IP6K1: variants seen among roughly 807,000 people sequenced by gnomAD.
IP6K1 encodes the protein inositol hexakisphosphate kinase 1.
In IP6K1, 13 loss-of-function variants were observed where a neutral mutation model predicts 38.3. The ratio of observed to expected loss-of-function variants is 0.34; its 90% CI spans 0.22 to 0.54. The LOEUF (loss-of-function observed/expected upper bound fraction) is 0.54, where lower values mean the gene tolerates loss of function less well. IP6K1 is among the 20% of genes least tolerant of loss of function. The probability of loss-of-function intolerance (pLI) is 0.92; values close to 1 mark genes in which losing one functional copy is unlikely to be tolerated. For synonymous variants in IP6K1, 212 were observed against 229.9 expected (o/e 0.92, Z 0.70); for missense variants, 397 against 599.8 (o/e 0.66, Z 3.53).
At chr3:49,728,331 G>A in intron 4 of IP6K1, 53 bp from the exon 5 acceptor site, 1 of 1,577,960 alleles carries the variant, frequency 6.3e-7, no homozygotes, top group Non-Finnish European at 8.7e-7. Context: ...GCCCCAGCCA[G>A]GAAAGCACAA....
chr3:49,727,635 C>T lies in IP6K1; in HGVS notation c.813G>A (p.Gly271=), dbSNP rs370210802. The T allele has an allele frequency of 3.0e-5, 48 of 1,613,772 alleles. No individual in the cohort carries two copies. The African/African-American group carries it at 6.1e-4, about 21-fold the overall frequency. The change falls in exon 6 of 6, where the codon GGG becomes GGA. Residue 271 remains glycine, a synonymous_variant. Coordinates refer to ENST00000321599, the MANE Select transcript of IP6K1 (RefSeq NM_153273.4). The surrounding 1 kb of genome is among the most constrained non-coding windows in gnomAD (Gnocchi z 5.9). ...CGMQVYQLDT[G]HYLCRNKYYG... ...AGTACTTGTTCCTGCAGAGGTAATG[C>T]CCTGTGTCCAGCTGGTACACCTGAA...
At chr3:49,786,049 C>G (rs1026062347) in intron 1 of IP6K1, 1 of 152,292 alleles carries the variant, frequency 6.6e-6, no homozygotes, top group Non-Finnish European at 1.5e-5. Flanking sequence ...CAGGGTGGCA[C>G]CGGACACACT....
At chr3:49,764,993 A>T (rs1362602369) in intron 1 of IP6K1, among the ~76,000 whole-genome samples, 1 of 152,182 alleles carries the variant, frequency 6.6e-6, no homozygotes, top group South Asian at 2.1e-4. Flanking sequence ...AAAGACAAGA[A>T]TGAATATTTA....
intron 1 of IP6K1, among the ~76,000 whole-genome samples, chr3:49,753,249 C>G (rs7372730): frequency 0.53 from 80,982 of 151,890 alleles, 22,435 homozygotes; most frequent in East Asian, 0.84. Flanking sequence ...TATTCCCTAG[C>G]TTCTTTGCAC....
rs1339097613 is a variant in IP6K1, at chr3:49,728,139, T to C, written c.756A>G (p.Thr252=). ...AGACCCTGACGCCCAGCGTGGCTGA[T>C]GTGCTCTGCTCGCATTTCCGCATCT... ...ARQMRKCEQS[T]SATLGVRVCG... Residue 252 remains threonine (T), a synonymous_variant, in exon 5 of 6, where the codon ACA becomes ACG. Transcript: ENST00000321599. 4 of 1,614,014 alleles carry C rather than the reference T, an allele frequency of 2.5e-6. No homozygotes were observed. The highest frequency in any genetic ancestry group is 3.4e-6 in the Non-Finnish European group (4 of 1,180,044).
intron 4 of IP6K1, among the ~76,000 whole-genome samples, chr3:49,731,017 C>T (rs2080557318): frequency 6.6e-6 from 1 of 151,620 alleles, no homozygotes; most frequent in South Asian, 2.1e-4. Context: ...TTCTGTCTTG[C>T]CATTTGTCAC....
At chr3:49,750,397 G>A (rs1324977902) in intron 1 of IP6K1, among the ~76,000 whole-genome samples, 1 of 152,160 alleles carries the variant, frequency 6.6e-6, no homozygotes, top group Non-Finnish European at 1.5e-5. Flanking sequence ...GGTGCAGGAG[G>A]AGAGTCAAGG....
chr3:49,782,556 C>T (rs566793624), intron 1 of IP6K1, among the ~76,000 whole-genome samples: 141 of 152,048 alleles, frequency 9.3e-4, no homozygotes, highest in African/African-American at 3.1e-3. Flanking sequence ...CATGCCTGCA[C>T]TTTAGGAACC....
intron 1 of IP6K1, among the ~76,000 whole-genome samples, chr3:49,776,135 C>T (rs972244527): frequency 1.3e-5 from 2 of 151,702 alleles, no homozygotes; most frequent in Non-Finnish European, 2.9e-5. Flanking sequence ...ATTGGAAACC[C>T]TTTCTGTTGC....
intron 1 of IP6K1, among the ~76,000 whole-genome samples, chr3:49,754,529 T>C (rs140667162): frequency 1.3e-5 from 2 of 152,192 alleles, no homozygotes; most frequent in African/African-American, 4.8e-5. Flanking sequence ...ATGACAATAA[T>C]AATGATAGTA....
At position 49,739,412 on chromosome 3, in the gene IP6K1, G is replaced by A. The variant is rs1488844052; in HGVS notation, c.224-990C>T. On this transcript the variant is annotated intron_variant, in intron 2 of 5. Transcript: ENST00000321599. ...TCTGTCGCCCAGGCTGGAGTGCAGT[G>A]GCGTGATCTCGGCTCACTGCAAGCT... Among the ~76,000 whole-genome samples, 33 of 147,308 alleles carry A rather than the reference G, an allele frequency of 2.2e-4. 1 individual carries two copies. In the Admixed American group the frequency reaches 2.3e-3, roughly 10 times the overall value.
At chr3:49,735,214 A>G (rs7618501) in intron 3 of IP6K1, among the ~76,000 whole-genome samples, 80,968 of 151,968 alleles carry the variant, frequency 0.53, 22,388 homozygotes, top group East Asian at 0.82. Context: ...AATTAGCTGA[A>G]TGCAGTGGTG....
At chr3:49,777,996 TTTTC>T (rs1357532202) in intron 1 of IP6K1, among the ~76,000 whole-genome samples, 2 of 151,702 alleles carry the variant, frequency 1.3e-5, no homozygotes, top group African/African-American at 2.4e-5. Context: ...GTGCAGGGGA[TTTTC>T]TTTAACAGTG....
At chr3:49,751,285 CTGAG>C (rs1045305267) in intron 1 of IP6K1, among the ~76,000 whole-genome samples, 4 of 152,078 alleles carry the variant, frequency 2.6e-5, no homozygotes, top group African/African-American at 7.2e-5. Context: ...CCTCAGCCTC[CTGAG>C]TAACTGGGAT....
chr3:49,731,887 C>CAAAAAAAAAAAAAAAAAAAAAAAAA lies in IP6K1; in HGVS notation c.616+903_616+904insTTTTTTTTTTTTTTTTTTTTTTTTT, dbSNP rs71080545. On this transcript the variant is annotated intron_variant, in intron 4 of 5. Transcript: ENST00000321599. ...TGGGTAACAGAGTGAGACTCTGTCT[C>CAAAAAAAAAAAAAAAAAAAAAAAAA]AAAAAAAAAAAAAAAAAAGGAATTC... Among the ~76,000 whole-genome samples the CAAAAAAAAAAAAAAAAAAAAAAAAA allele has an allele frequency of 9.3e-4, 61 of 65,316 alleles. 10 individuals are homozygous for CAAAAAAAAAAAAAAAAAAAAAAAAA. In the East Asian group the frequency reaches 0.01, roughly 11 times the overall value. 42.8% of individuals were successfully genotyped at this position (65,316 alleles called of 152,430 possible). A position where few individuals can be genotyped will look rare whatever the true frequency, so the allele number is the denominator to read the frequency against.
At chr3:49,766,213 A>G (rs1180087368) in intron 1 of IP6K1, among the ~76,000 whole-genome samples, 2 of 151,908 alleles carry the variant, frequency 1.3e-5, no homozygotes, top group African/African-American at 4.8e-5. Context: ...AAAAGCACAA[A>G]AATTCGCTGG....
intron 1 of IP6K1, among the ~76,000 whole-genome samples, chr3:49,761,800 G>A (rs2080870410): frequency 6.6e-6 from 1 of 151,916 alleles, no homozygotes; most frequent in African/African-American, 2.4e-5. Context: ...CAGAAAAAAT[G>A]AAAATTAGGC....
chr3:49,739,958 T>C (rs550840062), intron 2 of IP6K1, among the ~76,000 whole-genome samples: 82 of 152,090 alleles, frequency 5.4e-4, no homozygotes, highest in African/African-American at 1.9e-3. Flanking sequence ...GAGGTTGCAG[T>C]GAGCCAAGAT....
Position 49,735,507 on chromosome 3 carries a change from G to A in IP6K1, c.435-2535C>T, listed in dbSNP as rs540869587. On this transcript the variant is annotated intron_variant, in intron 3 of 5. Transcript: ENST00000321599. ...ATTAGTCAAGAAGCAGCCTCTTGGG[G>A]AGTGAAGGGGAAGCACTAGAAGAAG... 1.0e-3 allele frequency among the ~76,000 whole-genome samples: 154 copies of A among 152,336 alleles called. 1 individual carries two copies. The highest frequency in any genetic ancestry group is 2.0e-3 in the Non-Finnish European group (136 of 68,034).
Sources: allele counts gnomAD v4.1 joint callset (sites outside exome capture counted in the v4.1 genomes callset), GRCh38; gene constraint gnomAD v4.1.1; non-coding constraint Gnocchi (gnomAD v3.1); transcripts MANE v1.5; gene names NCBI Gene and HGNC (gene_info 2026-07-23, HGNC 2026-07-21).